CLEC16A: variants seen among roughly 807,000 people sequenced by gnomAD.
CLEC16A encodes the protein protein CLEC16A.
In CLEC16A, 51 loss-of-function variants were observed where a neutral mutation model predicts 109.5. The observed-to-expected ratio is 0.47, with a 90% CI of 0.37 to 0.59. CLEC16A has a LOEUF of 0.59. Among genes scored for constraint, CLEC16A ranks in the 20% least tolerant of loss-of-function variants. CLEC16A has a pLI of 0.00. For synonymous variants in CLEC16A, 673 were observed against 564.2 expected, an observed-to-expected ratio of 1.19 and a Z score of -2.73; for missense variants, 1,339 against 1,394.0, an observed-to-expected ratio of 0.96 and a Z score of 0.63.
At chr16:11,003,598 G>C (rs2044802640) in intron 11 of CLEC16A, among the ~76,000 whole-genome samples, 1 of 152,196 alleles carries the variant, frequency 6.6e-6, no homozygotes, top group South Asian at 2.1e-4. Context: ...CTACTTTGTA[G>C]TGTTCATACA....
chr16:11,078,142 G>T (rs2049494797), intron 19 of CLEC16A, among the ~76,000 whole-genome samples: 1 of 152,110 alleles, frequency 6.6e-6, no homozygotes, highest in Non-Finnish European at 1.5e-5. Context: ...CATCTGATTT[G>T]CTCCTAGGCC....
At chr16:10,982,206 T>C (rs911558845) in intron 9 of CLEC16A, among the ~76,000 whole-genome samples, 1 of 152,190 alleles carries the variant, frequency 6.6e-6, no homozygotes, top group African/African-American at 2.4e-5. Flanking sequence ...GCTGGTCCTC[T>C]GAACATTGGG....
chr16:11,115,735 T>G (rs2051939701), intron 19 of CLEC16A, among the ~76,000 whole-genome samples: 1 of 152,088 alleles, frequency 6.6e-6, no homozygotes, highest in South Asian at 2.1e-4. Context: ...TTTATAAGAA[T>G]GAATATGATG....
chr16:11,106,456 ATTTTTTT>A (rs538713695), intron 19 of CLEC16A, among the ~76,000 whole-genome samples: 1 of 133,560 alleles, frequency 7.5e-6, no homozygotes, highest in Non-Finnish European at 1.6e-5. Context: ...ACCCAGCCCA[ATTTTTTT>A]TTTTTTTTTT....
chr16:11,109,208 C>G (rs1597408734), intron 19 of CLEC16A, among the ~76,000 whole-genome samples: 1 of 151,274 alleles, frequency 6.6e-6, no homozygotes, highest in African/African-American at 2.4e-5. Context: ...CTCTGTCACC[C>G]AGGCAGTGGT....
Position 11,131,618 on chromosome 16 carries a change from A to G in CLEC16A, c.2641+5472A>G, listed in dbSNP as rs147691980. ...CCCTTGCAGATGAGGGCTTAGTGAC[A>G]TGACAAAAAAGTGACCTGTTCCCAC... On this transcript the variant is annotated intron_variant, in intron 22 of 23. Coordinates refer to ENST00000409790, the MANE Select transcript of CLEC16A (RefSeq NM_015226.3). Among the ~76,000 whole-genome samples the G allele has an allele frequency of 2.6e-5, 4 of 152,294 alleles. No homozygotes were observed. In the East Asian group the frequency reaches 7.7e-4, roughly 29 times the overall value.
At chr16:11,132,898 A>C (rs2053314376) in intron 22 of CLEC16A, among the ~76,000 whole-genome samples, 1 of 152,148 alleles carries the variant, frequency 6.6e-6, no homozygotes. Context: ...GGAATTGTTC[A>C]GTCTTGTTTT....
chr16:11,035,378 T>C (rs2046962916), intron 13 of CLEC16A, among the ~76,000 whole-genome samples: 5 of 152,274 alleles, frequency 3.3e-5, no homozygotes, highest in Middle Eastern at 3.4e-3. Flanking sequence ...TTTTAAAAAA[T>C]TAATTCAGCA....
chr16:11,029,462 G>C (rs1194211314), intron 13 of CLEC16A, among the ~76,000 whole-genome samples: 1 of 152,274 alleles, frequency 6.6e-6, no homozygotes, highest in East Asian at 1.9e-4. Flanking sequence ...CTGAACTCCA[G>C]ACTCTGCCTT....
At chr16:11,027,455 T>A (rs1419363641) in intron 13 of CLEC16A, 13 of 1,574,958 alleles carry the variant, frequency 8.3e-6, no homozygotes, top group Non-Finnish European at 1.0e-5. Flanking sequence ...GATTTCCAAA[T>A]CTGAAGTCTG....
At chr16:11,052,352 T>C (rs555519941) in intron 18 of CLEC16A, among the ~76,000 whole-genome samples, 163 of 152,298 alleles carry the variant, frequency 1.1e-3, no homozygotes, top group African/African-American at 3.7e-3. Flanking sequence ...ACAGCTCCCC[T>C]TGTCAGCCTT....
intron 10 of CLEC16A, among the ~76,000 whole-genome samples, chr16:10,983,290 A>G (rs1054844304): frequency 6.6e-6 from 1 of 152,210 alleles, no homozygotes; most frequent in Admixed American, 6.5e-5. Context: ...AAAATGCCTT[A>G]TCAGAGGAAC....
At chr16:11,007,807 T>C (rs941294629) in intron 11 of CLEC16A, among the ~76,000 whole-genome samples, 1 of 151,994 alleles carries the variant, frequency 6.6e-6, no homozygotes, top group Non-Finnish European at 1.5e-5. Flanking sequence ...TGAGTGTGTT[T>C]GTATGTATGT....
intron 11 of CLEC16A, among the ~76,000 whole-genome samples, chr16:11,012,656 A>G (rs2045505182): frequency 6.6e-6 from 1 of 151,210 alleles, no homozygotes; most frequent in Admixed American, 6.6e-5. Context: ...ATAATTACTT[A>G]CCCGATTTTT....
intron 23 of CLEC16A, among the ~76,000 whole-genome samples, chr16:11,169,218 C>T (rs763766675): frequency 1.3e-5 from 2 of 152,198 alleles, no homozygotes; most frequent in Non-Finnish European, 2.9e-5. Flanking sequence ...TTGTAGAGAG[C>T]GGCTGCCAGA....
At chr16:10,953,252 G>A (rs1056568985) in intron 1 of CLEC16A, among the ~76,000 whole-genome samples, 8 of 152,226 alleles carry the variant, frequency 5.3e-5, no homozygotes, top group Non-Finnish European at 8.8e-5. Context: ...TAATGACAAT[G>A]GTGGCGCTGG....
At chr16:11,124,077 A>G in intron 21 of CLEC16A, 131 bp downstream of exon 21, 1 of 853,108 alleles carries the variant, frequency 1.2e-6, no homozygotes, top group Admixed American at 2.7e-5. Flanking sequence ...ATTGTTTTAT[A>G]TACGAATACG....
chr16:11,132,002 C>G (rs2053239171), intron 22 of CLEC16A, among the ~76,000 whole-genome samples: 1 of 152,212 alleles, frequency 6.6e-6, no homozygotes, highest in Non-Finnish European at 1.5e-5. Flanking sequence ...GCTCCGATAC[C>G]TCAAAAAGGG....
At chr16:11,064,528 G>A (rs760121640) in intron 19 of CLEC16A, among the ~76,000 whole-genome samples, 2 of 152,214 alleles carry the variant, frequency 1.3e-5, no homozygotes, top group African/African-American at 2.4e-5. Flanking sequence ...TGTAATCTCA[G>A]CACTTTGGGA....
Sources: allele counts gnomAD v4.1 joint callset (sites outside exome capture counted in the v4.1 genomes callset), GRCh38; gene constraint gnomAD v4.1.1; transcripts MANE v1.5; gene names NCBI Gene and HGNC (gene_info 2026-07-23, HGNC 2026-07-21).